The following TBL1X variants were observed in gnomAD, a reference collection of about 807,000 sequenced individuals.
TBL1X encodes F-box-like/WD repeat-containing protein TBL1X.
A neutral mutation model predicts 50.7 loss-of-function variants in TBL1X; 10 were observed. The observed-to-expected ratio is 0.20, with a 90% CI of 0.12 to 0.33. TBL1X has a LOEUF of 0.33. Among genes scored for constraint, TBL1X ranks in the 10% least tolerant of loss-of-function variants. TBL1X has a pLI of 1.00. For missense variants in TBL1X, 340 were observed against 504.4 expected, an observed-to-expected ratio of 0.67 and a Z score of 3.12; for synonymous variants, 190 against 214.7, an observed-to-expected ratio of 0.88 and a Z score of 1.01.
chrX:9,703,796 C>A (rs1230178938), intron 12 of TBL1X, among the ~76,000 whole-genome samples: 2 of 111,978 alleles, frequency 1.8e-5, no homozygotes, highest in Non-Finnish European at 3.8e-5. Context: ...CTCCAGGAAG[C>A]CGTCAACCTG....
At chrX:9,638,057 A>G (rs1156957988) in intron 2 of TBL1X, 1 of 111,582 alleles carries the variant, frequency 9.0e-6, no homozygotes, top group Non-Finnish European at 1.9e-5. Context: ...GTAGCACTGC[A>G]AGCTCTATTC....
At chrX:9,478,326 C>T (rs1475358804) in intron 1 of TBL1X, among the ~76,000 whole-genome samples, 1 of 111,482 alleles carries the variant, frequency 9.0e-6, no homozygotes, top group Non-Finnish European at 1.9e-5. Flanking sequence ...AAGCACCTGC[C>T]TGTGAACCTC....
chrX:9,648,329 T>C (rs1348068440), intron 3 of TBL1X, among the ~76,000 whole-genome samples: 4 of 112,478 alleles, frequency 3.6e-5, no homozygotes, highest in Non-Finnish European at 7.5e-5. Flanking sequence ...CCATGTTATT[T>C]GTCCACAAAA....
chrX:9,703,275 TCACCAGAGAAGGGAAGGGAAGAGATC>T (rs2083186241), intron 12 of TBL1X, among the ~76,000 whole-genome samples: 1 of 103,929 alleles, frequency 9.6e-6, no homozygotes, highest in Non-Finnish European at 2.0e-5. Context: ...AGGGAAGAGA[TCACCAGAGAAGGGAAGGGAAGAGATC>T]ACCAGAGAAG....
intron 2 of TBL1X, among the ~76,000 whole-genome samples, chrX:9,531,344 G>A (rs776439503): frequency 1.2e-5 from 1 of 86,054 alleles, no homozygotes; most frequent in African/African-American, 4.1e-5. Flanking sequence ...TTTGAACTAA[G>A]AACCTGGAGG....
intron 2 of TBL1X, among the ~76,000 whole-genome samples, chrX:9,505,368 A>T (rs1254916259): frequency 8.9e-6 from 1 of 111,985 alleles, no homozygotes; most frequent in African/African-American, 3.2e-5. Context: ...GACCAATGAC[A>T]CTACAAAGAA....
chrX:9,515,403 A>G lies in TBL1X; in HGVS notation c.-131+13554A>G, dbSNP rs777375837. Reference sequence around the variant, plus strand: ...ACATCATCAGCACAGGATGTGGCAGAATGATTTTTCTTTCCCACCTCTTGC... The same window carrying G: ...ACATCATCAGCACAGGATGTGGCAGGATGATTTTTCTTTCCCACCTCTTGC... On this transcript the variant is annotated intron_variant, in intron 2 of 17. Coordinates refer to ENST00000645353, the MANE Select transcript of TBL1X (RefSeq NM_005647.4). Among the ~76,000 whole-genome samples the G allele has an allele frequency of 3.6e-5, 4 of 112,127 alleles. No homozygotes were observed. The Admixed American group carries it at 3.8e-4, about 11-fold the overall frequency.
chrX:9,485,242 A>T (rs775837576), intron 1 of TBL1X, among the ~76,000 whole-genome samples: 15 of 112,479 alleles, frequency 1.3e-4, no homozygotes. Context: ...TTCAAGGACC[A>T]CATAGACTTC....
chrX:9,554,260 C>A (rs1001172247), intron 2 of TBL1X, among the ~76,000 whole-genome samples: 1 of 112,439 alleles, frequency 8.9e-6, no homozygotes, highest in Non-Finnish European at 1.9e-5. Context: ...ATTTCTTAAT[C>A]CACTTACATT....
chrX:9,676,872 G>A (rs778269271), intron 5 of TBL1X, among the ~76,000 whole-genome samples: 1 of 112,070 alleles, frequency 8.9e-6, no homozygotes, highest in East Asian at 2.8e-4. Context: ...TGTAATTGGA[G>A]TTTACATATG....
chrX:9,553,196 G>A (rs2082278957), intron 2 of TBL1X, among the ~76,000 whole-genome samples: 1 of 111,159 alleles, frequency 9.0e-6, no homozygotes, highest in East Asian at 2.8e-4. Context: ...GAGGTTGTCT[G>A]GGTGGGCCCA....
At chrX:9,654,184 T>C (rs756892029) in intron 4 of TBL1X, 31 bp from the exon 5 acceptor site, 1 of 1,154,034 alleles carries the variant, frequency 8.7e-7, no homozygotes. Flanking sequence ...ATACAAGCAG[T>C]GTTTCAAAAC....
intron 2 of TBL1X, among the ~76,000 whole-genome samples, chrX:9,586,609 A>T (rs1203554573): frequency 8.9e-6 from 1 of 112,330 alleles, no homozygotes; most frequent in Non-Finnish European, 1.9e-5. Flanking sequence ...GTACTTAAAA[A>T]TGGTTAAGAG....
At chrX:9,505,281 A>G (rs185520109) in intron 2 of TBL1X, among the ~76,000 whole-genome samples, 377 of 112,152 alleles carry the variant, frequency 3.4e-3, no homozygotes, top group African/African-American at 5.4e-3. Flanking sequence ...CTGCCCTGCA[A>G]TGTCTCCTGA....
rs754004953 is a variant in TBL1X at position 9,688,214 on chromosome X, A to C, written c.555A>C (p.Gln185His). 7 of 1,199,652 alleles carry C rather than the reference A, an allele frequency of 5.8e-6. No homozygotes were observed. In the East Asian group the frequency reaches 1.8e-4, roughly 31 times the overall value. Residue 185 changes from glutamine to histidine, a missense_variant, in exon 7 of 18, where the codon CAA becomes CAC. Gln to His is a conservative substitution (Grantham distance 24, BLOSUM62 0). This residue lies in a region of TBL1X where 99 missense variants were observed against 93.3 expected (regional missense o/e 1.06). Transcript: ENST00000645353. ...ATTTSAGVSH[Q>H]NPSKNREATV... Reference sequence around the variant, plus strand: ...CGACCTCAGCCGGCGTTTCCCACCAAAATCCATCGAAGAACAGAGAGGCCA... The same window carrying C: ...CGACCTCAGCCGGCGTTTCCCACCACAATCCATCGAAGAACAGAGAGGCCA...
chrX:9,516,799 A>G (rs2082082767), intron 2 of TBL1X, among the ~76,000 whole-genome samples: 1 of 112,294 alleles, frequency 8.9e-6, no homozygotes, highest in African/African-American at 3.2e-5. Flanking sequence ...GTGTTTTTCA[A>G]AAAAAGCTTA....
chrX:9,479,937 A>AGTGTGTGTGTGTGTGTGTGT (rs1353868118), intron 1 of TBL1X, among the ~76,000 whole-genome samples: 2,463 of 37,842 alleles, frequency 0.065, 97 homozygotes, highest in African/African-American at 0.18. Context: ...AGGAAAGTAG[A>AGTGTGTGTGTGTGTGTGTGT]ATGTGTGTGT....
At chrX:9,679,409 C>T (rs2083012842) in intron 5 of TBL1X, among the ~76,000 whole-genome samples, 1 of 111,142 alleles carries the variant, frequency 9.0e-6, no homozygotes, top group Non-Finnish European at 1.9e-5. Context: ...AGAAGCCCTG[C>T]TGTCAAGAGA....
intron 2 of TBL1X, among the ~76,000 whole-genome samples, chrX:9,509,234 A>G: frequency 9.4e-6 from 1 of 106,908 alleles, no homozygotes; most frequent in Non-Finnish European, 1.9e-5. Flanking sequence ...AAAAAAAAAT[A>G]CAAAAAATTA....
Sources: gnomAD v4.1 joint callset for allele counts (sites outside exome capture counted in the v4.1 genomes callset) on GRCh38, gnomAD v4.1.1 for gene constraint, gnomAD v4.1.1 regional missense constraint, MANE v1.5 for transcripts, NCBI Gene and HGNC (gene_info 2026-07-23, HGNC 2026-07-21) for gene names.